Variants in TNKS2 observed in about 807,000 individuals in gnomAD.
The protein encoded by TNKS2 is tankyrase 2, also known as poly [ADP-ribose] polymerase tankyrase-2.
TNKS2 carries 72 observed loss-of-function variants against 137.6 expected under a neutral mutation model. That is an observed-to-expected ratio of 0.52 (90% CI 0.43 to 0.64). The LOEUF is 0.64. TNKS2 is among the 30% of genes least tolerant of loss of function. The probability of loss-of-function intolerance (pLI) is 0.00; values close to 1 mark genes in which losing one functional copy is unlikely to be tolerated. For missense variants in TNKS2, 1,049 were observed against 1,410.2 expected, an observed-to-expected ratio of 0.74 and a Z score of 4.10; for synonymous variants, 516 against 512.1, an observed-to-expected ratio of 1.01 and a Z score of -0.10.
Position 91,798,732 on chromosome 10 carries a change from G to A in TNKS2, c.42G>A (p.Ala14=). ...RRCAGGGAAC[A]SAAAEAVEPA... is the part of the protein sequence containing the mutation. The stretch of plus-strand genomic sequence containing the variant: ...GCGCCGGCGGGGGAGCGGCCTGCGC[G>A]AGCGCCGCGGCCGAGGCCGTGGAGC... The change falls in exon 1 of 27, where the codon GCG becomes GCA. Residue 14 remains alanine, a synonymous_variant. Coordinates refer to ENST00000371627, the MANE Select transcript of TNKS2 (RefSeq NM_025235.4). 1 of 1,243,618 alleles carries A rather than the reference G, an allele frequency of 8.0e-7. No individual in the cohort carries two copies. The highest frequency in any genetic ancestry group is 1.0e-6 in the Non-Finnish European group (1 of 989,650). The allele number at this position is 1,243,618 out of a possible 1,614,324, so 77.0% of individuals were successfully genotyped here. A position where few individuals can be genotyped will look rare whatever the true frequency, so the allele number is the denominator to read the frequency against.
At chr10:91,819,246 C>CTT (rs34501124) in intron 3 of TNKS2, 24 bp from the exon 4 acceptor site, 50,388 of 1,057,922 alleles carry the variant, frequency 0.048, 35 homozygotes, top group South Asian at 0.086. Context: ...AATTTCTATA[C>CTT]TTTTTTTTTT....
Position 91,841,448 on chromosome 10 carries a change from G to T in TNKS2, c.1839G>T (p.Gln613His). The T allele has an allele frequency of 6.3e-7, 1 of 1,595,120 alleles. No homozygotes were observed. ...GKYEICKLLL[Q>H]HGADPTKKNR... ...ATGAAATTTGCAAACTTCTGCTCCA[G>T]GTATATTTAAATACTTAACTGTAAA... Residue 613 changes from glutamine (Q) to histidine (H), a missense_variant and splice_region_variant, in exon 15 of 27, where the codon CAG becomes CAT. By Grantham distance (24) the Gln-to-His change is conservative. Around this residue, in one of 6 missense-constraint regions of TNKS2, gnomAD observed 328 missense variants for 436.0 expected, o/e 0.75. Transcript: ENST00000371627.
intron 7 of TNKS2, among the ~76,000 whole-genome samples, chr10:91,822,738 G>T (rs984214211): frequency 4.0e-5 from 6 of 151,806 alleles, no homozygotes; most frequent in African/African-American, 1.4e-4. Flanking sequence ...GCTAAGTTTT[G>T]TTAGAGATGG....
chr10:91,805,293 C>T (rs560856567), intron 1 of TNKS2, among the ~76,000 whole-genome samples: 2 of 152,300 alleles, frequency 1.3e-5, no homozygotes, highest in Admixed American at 6.5e-5. Context: ...CCTCTACTAT[C>T]AGTCACCAGA....
At chr10:91,817,085 A>T in intron 2 of TNKS2, 49 bp from the exon 3 acceptor site, 1 of 1,315,228 alleles carries the variant, frequency 7.6e-7, no homozygotes, top group Non-Finnish European at 1.1e-6. Flanking sequence ...ACTAAAATCA[A>T]GTTGTTAAGA....
chr10:91,818,829 G>A (rs914812034), intron 3 of TNKS2, among the ~76,000 whole-genome samples: 9 of 151,988 alleles, frequency 5.9e-5, no homozygotes, highest in East Asian at 1.9e-4. Context: ...CAATACACCC[G>A]GACATTTTTA....
At chr10:91,817,251 A>G (rs769946746) in intron 3 of TNKS2, 22 bp downstream of exon 3, 2 of 1,578,606 alleles carry the variant, frequency 1.3e-6, no homozygotes, top group South Asian at 2.3e-5. Flanking sequence ...TACTCTGGTT[A>G]TTCCAGGAAG....
intron 1 of TNKS2, 125 bp downstream of exon 1, chr10:91,799,014 C>T (rs1844067206): frequency 5.4e-5 from 67 of 1,237,270 alleles, no homozygotes; most frequent in Non-Finnish European, 6.4e-5. Flanking sequence ...CTGGTGATCT[C>T]GCTCTCTTCC....
intron 13 of TNKS2, among the ~76,000 whole-genome samples, chr10:91,837,639 C>T (rs1203003420): frequency 1.3e-5 from 2 of 152,162 alleles, no homozygotes. Context: ...GCGGGTGGAT[C>T]ACCTGAGGTT....
chr10:91,823,320 GTTTTTTTTT>G (rs3043666), intron 7 of TNKS2, among the ~76,000 whole-genome samples: 45 of 113,600 alleles, frequency 4.0e-4, no homozygotes, highest in Admixed American at 9.5e-4. Flanking sequence ...TGGTTTTTTG[GTTTTTTTTT>G]TTTTTTTTTT....
At chr10:91,834,550 A>G (rs894344849) in intron 12 of TNKS2, among the ~76,000 whole-genome samples, 3 of 152,244 alleles carry the variant, frequency 2.0e-5, no homozygotes, top group African/African-American at 7.2e-5. Flanking sequence ...TACTTTTATT[A>G]GAATTTGATG....
intron 9 of TNKS2, among the ~76,000 whole-genome samples, chr10:91,829,422 C>T (rs889277791): frequency 6.7e-6 from 1 of 149,558 alleles, no homozygotes; most frequent in African/African-American, 2.6e-5. Flanking sequence ...TGAAGCAACT[C>T]GTTTTTGTAA....
chr10:91,843,740 A>G (rs564137733), intron 16 of TNKS2, among the ~76,000 whole-genome samples: 30 of 152,336 alleles, frequency 2.0e-4, no homozygotes, highest in African/African-American at 7.2e-4. Flanking sequence ...GTCTAAATAT[A>G]CATGATTTAA....
intron 1 of TNKS2, among the ~76,000 whole-genome samples, chr10:91,806,347 G>T (rs1215168107): frequency 6.6e-6 from 1 of 152,062 alleles, no homozygotes; most frequent in East Asian, 1.9e-4. Context: ...CAGAAAATGG[G>T]CAGGGGTGTC....
intron 16 of TNKS2, among the ~76,000 whole-genome samples, chr10:91,843,599 T>C (rs1473442827): frequency 6.6e-6 from 1 of 152,218 alleles, no homozygotes; most frequent in Non-Finnish European, 1.5e-5. Context: ...AGTGCAAATA[T>C]ACAATATATT....
intron 15 of TNKS2, among the ~76,000 whole-genome samples, chr10:91,841,964 T>A (rs1200108171): frequency 6.6e-6 from 1 of 151,936 alleles, no homozygotes; most frequent in East Asian, 1.9e-4. Context: ...ATTAATGCAT[T>A]AAAAAATCCA....
chr10:91,844,905 C>A lies in TNKS2; in HGVS notation c.2060-14C>A, dbSNP rs751685359. 1.3e-6 allele frequency: 2 copies of A among 1,567,664 alleles called. No individual in the cohort carries two copies. The highest frequency in any genetic ancestry group is 2.7e-5 in the African/African-American group (2 of 73,106). On this transcript the variant is annotated splice_polypyrimidine_tract_variant and intron_variant, in intron 16 of 26. Transcript: ENST00000371627. ...AAAAACAAGTAAAGTAATTTTACTT[C>A]TTTTCTAAATTAGCTGGTTATAATA...
intron 16 of TNKS2, among the ~76,000 whole-genome samples, chr10:91,842,776 A>AT (rs1187673415): frequency 2.2e-4 from 34 of 152,084 alleles, no homozygotes; most frequent in Admixed American, 1.6e-3. Context: ...AAAAATAAAA[A>AT]AAATAAATAA....
In TNKS2 at chr10:91,817,832, A is replaced by C. The variant is rs139834026; in HGVS notation, c.520+603A>C. ...TAGTTTAGATTGACAAGCTTTCCTG[A>C]GTTGTATCCACTTCACATATTATCT... On this transcript the variant is annotated intron_variant, in intron 3 of 26. Coordinates refer to ENST00000371627, the MANE Select transcript of TNKS2 (RefSeq NM_025235.4). Among the ~76,000 whole-genome samples, 362 of 152,302 alleles carry C rather than the reference A, an allele frequency of 2.4e-3. 1 individual carries two copies. The highest frequency in any genetic ancestry group is 8.3e-3 in the African/African-American group (347 of 41,558).
Sources: gnomAD v4.1 joint callset for allele counts (sites outside exome capture counted in the v4.1 genomes callset) on GRCh38, gnomAD v4.1.1 for gene constraint, gnomAD v4.1.1 regional missense constraint, MANE v1.5 for transcripts, NCBI Gene and HGNC (gene_info 2026-07-23, HGNC 2026-07-21) for gene names.